The following MCF2L variants were observed in gnomAD, a reference collection of about 807,000 sequenced individuals.
MCF2L encodes guanine nucleotide exchange factor DBS.
Under a neutral mutation model 153.4 loss-of-function variants are expected in MCF2L, and 97 were observed. The ratio of observed to expected loss-of-function variants is 0.63; its 90% CI spans 0.54 to 0.75. The LOEUF is 0.75. MCF2L is among the 30% of genes least tolerant of loss of function. The pLI is 0.00. For missense variants in MCF2L, 1,347 were observed against 1,495.2 expected, an observed-to-expected ratio of 0.90 and a Z score of 1.64; for synonymous variants, 659 against 632.2, an observed-to-expected ratio of 1.04 and a Z score of -0.64.
At chr13:112,921,013 A>C (rs954507457) in intron 2 of MCF2L, among the ~76,000 whole-genome samples, 48 of 151,848 alleles carry the variant, frequency 3.2e-4, no homozygotes, top group African/African-American at 1.1e-3. Context: ...TAAAAAAAAA[A>C]AAAAATCCAA....
intron 2 of MCF2L, chr13:112,956,686 G>A (rs550441695): frequency 8.5e-5 from 13 of 152,372 alleles, no homozygotes; most frequent in East Asian, 1.9e-4. Flanking sequence ...CTGCTGCAGC[G>A]AGGTTGGCCA....
chr13:112,988,813 G>T (rs2082763586), intron 1 of MCF2L, among the ~76,000 whole-genome samples: 1 of 59,672 alleles, frequency 1.7e-5, no homozygotes, highest in Admixed American at 1.9e-4. Context: ...CTACGACACT[G>T]GAGTCCTCCC....
chr13:112,987,259 C>T (rs1229184376), intron 1 of MCF2L, among the ~76,000 whole-genome samples: 3 of 152,210 alleles, frequency 2.0e-5, no homozygotes, highest in Non-Finnish European at 4.4e-5. Flanking sequence ...CCAGCGCTTT[C>T]CCGAAACGCT....
chr13:113,010,475 G>A (rs1445888252), intron 1 of MCF2L, among the ~76,000 whole-genome samples: 2 of 152,182 alleles, frequency 1.3e-5, no homozygotes, highest in African/African-American at 2.4e-5. Context: ...TGTATCAGGT[G>A]AGCCAAGGGC....
chr13:113,056,951 TGTGTTTGGGTGCTGA>T (rs1459674659), intron 4 of MCF2L, among the ~76,000 whole-genome samples: 3 of 86,420 alleles, frequency 3.5e-5, no homozygotes, highest in Admixed American at 1.2e-4. Flanking sequence ...GTGGGTGCTG[TGTGTTTGGGTGCTGA>T]GTGTTTGGGT....
Position 113,097,974 on chromosome 13 carries a change from C to G in MCF2L, c.*1115C>G, listed in dbSNP as rs2035776941. On this transcript the variant is annotated 3_prime_UTR_variant, in exon 30 of 30. Transcript: ENST00000535094. ...GTCACAGCAGAACTGGAAAAAAACTCTTCTGTTTTACCAACTTCTTGTGTT... is the reference window on the plus strand; with the variant it reads ...GTCACAGCAGAACTGGAAAAAAACTGTTCTGTTTTACCAACTTCTTGTGTT... 6.6e-6 allele frequency: 1 copy of G among 152,234 alleles called. No homozygotes were observed. Among genetic ancestry groups the G allele is most frequent in the Non-Finnish European group, 1.5e-5 (1 of 68,046 alleles). 9.4% of individuals were successfully genotyped at this position (152,234 alleles called of 1,614,324 possible).
chr13:113,045,266 T>G lies in MCF2L; in HGVS notation c.279-5T>G, dbSNP rs758460719. ...ATTAACGGCGGCGTCTCTTCCTCAC[T>G]GCAGCCTGCAGGACGCTGGCATCGG... On this transcript the variant is annotated splice_region_variant and splice_polypyrimidine_tract_variant and intron_variant, in intron 3 of 29. Transcript: ENST00000535094. The surrounding 1 kb of genome is among the most constrained non-coding windows in gnomAD (Gnocchi z 4.2). 9 of 1,611,806 alleles carry G rather than the reference T, an allele frequency of 5.6e-6. No individual in the cohort carries two copies. The highest frequency in any genetic ancestry group is 1.7e-6 in the Non-Finnish European group (2 of 1,178,298).
At chr13:113,040,079 G>A (rs576384801) in intron 3 of MCF2L, among the ~76,000 whole-genome samples, 1 of 152,260 alleles carries the variant, frequency 6.6e-6, no homozygotes, top group South Asian at 2.1e-4. Flanking sequence ...ACACCCTACT[G>A]CAACAACATG....
intron 27 of MCF2L, chr13:113,095,271 G>T (rs1172864033): frequency 8.4e-7 from 1 of 1,189,192 alleles, no homozygotes; most frequent in Non-Finnish European, 1.1e-6. Flanking sequence ...AAGGCTGGAG[G>T]TGCAAAGGGG....
chr13:113,021,282 C>CTGTGCGTAGCTGTGTG (rs1555367407), intron 2 of MCF2L, among the ~76,000 whole-genome samples: 2 of 151,512 alleles, frequency 1.3e-5, no homozygotes, highest in Non-Finnish European at 2.9e-5. Flanking sequence ...GTATAGGTAG[C>CTGTGCGTAGCTGTGTG]TGTGTGTAGC....
At chr13:112,944,808 C>G (rs976446829) in intron 2 of MCF2L, among the ~76,000 whole-genome samples, 6 of 152,108 alleles carry the variant, frequency 3.9e-5, no homozygotes, top group Non-Finnish European at 5.9e-5. Flanking sequence ...CTGAAAGAGC[C>G]AGCCTCTTAG....
chr13:113,034,440 C>T (rs1174020208), intron 3 of MCF2L, among the ~76,000 whole-genome samples: 2 of 152,202 alleles, frequency 1.3e-5, no homozygotes, highest in Non-Finnish European at 2.9e-5. Context: ...CCCGGCCAGG[C>T]AGCCTCATTT....
chr13:113,082,990 C>T (rs2034294477), intron 17 of MCF2L, among the ~76,000 whole-genome samples: 1 of 152,212 alleles, frequency 6.6e-6, no homozygotes, highest in Non-Finnish European at 1.5e-5. Context: ...AAAAGGACGG[C>T]AAACTAGGCG....
At chr13:113,034,526 C>A (rs2086009759) in intron 3 of MCF2L, among the ~76,000 whole-genome samples, 1 of 152,050 alleles carries the variant, frequency 6.6e-6, no homozygotes, top group African/African-American at 2.4e-5. Context: ...GGAGTGAGTG[C>A]CCTCACCCTC....
chr13:113,078,648 C>T lies in MCF2L; in HGVS notation c.1735-18C>T, dbSNP rs145915905. 2.2e-4 allele frequency: 349 copies of T among 1,609,276 alleles called. 1 individual carries two copies. The African/African-American group carries it at 3.9e-3, about 18-fold the overall frequency. ...GTTCCGTCCCGCCTTTCAGACCTGACGCTGTTTTTCTCCCCAGAGTGAGAT... is the reference window on the plus strand; with the variant it reads ...GTTCCGTCCCGCCTTTCAGACCTGATGCTGTTTTTCTCCCCAGAGTGAGAT... On this transcript the variant is annotated intron_variant, in intron 14 of 29. Coordinates refer to ENST00000535094, the MANE Select transcript of MCF2L (RefSeq NM_001112732.3).
chr13:112,975,512 A>C (rs571504054), intron 1 of MCF2L, among the ~76,000 whole-genome samples: 2 of 152,330 alleles, frequency 1.3e-5, no homozygotes, highest in Admixed American at 1.3e-4. Flanking sequence ...AATCTGCATG[A>C]AAAGCACTGA....
intron 2 of MCF2L, among the ~76,000 whole-genome samples, chr13:113,023,339 G>A (rs1268112391): frequency 2.6e-5 from 4 of 152,212 alleles, no homozygotes; most frequent in African/African-American, 7.2e-5. Context: ...AGGAGGCCAC[G>A]GAGCCCTGTA....
Position 113,064,180 on chromosome 13 carries a change from G to T in MCF2L, c.490-124G>T, listed in dbSNP as rs2032000726. 2 of 756,714 alleles carry T rather than the reference G, an allele frequency of 2.6e-6. No homozygotes were observed. The highest frequency in any genetic ancestry group is 4.9e-5 in the East Asian group (2 of 40,784). The allele number at this position is 756,714 out of a possible 1,614,324, so 46.9% of individuals were successfully genotyped here. A position where few individuals can be genotyped will look rare whatever the true frequency, so the allele number is the denominator to read the frequency against. ...GTGTCCAGGTGCCCCCACCCACACA[G>T]CCGCCCGCAGCATCCAGGCAGACGT... On this transcript the variant is annotated intron_variant, in intron 5 of 29. Coordinates refer to ENST00000535094, the MANE Select transcript of MCF2L (RefSeq NM_001112732.3). The surrounding 1 kb of genome is among the most constrained non-coding windows in gnomAD (Gnocchi z 6.0).
chr13:113,001,791 A>C (rs536050642), intron 1 of MCF2L: 2 of 1,421,588 alleles, frequency 1.4e-6, no homozygotes, highest in South Asian at 3.0e-5. Flanking sequence ...CAGCAAACCC[A>C]GGAAGGTGTG....
Sources: allele counts gnomAD v4.1 joint callset (sites outside exome capture counted in the v4.1 genomes callset), GRCh38; gene constraint gnomAD v4.1.1; non-coding constraint Gnocchi (gnomAD v3.1); transcripts MANE v1.5; gene names NCBI Gene and HGNC (gene_info 2026-07-23, HGNC 2026-07-21).